FAM89A: variants seen among roughly 807,000 people sequenced by gnomAD.
FAM89A encodes family with sequence similarity 89 member A.
FAM89A carries 10 observed loss-of-function variants against 7.1 expected under a neutral mutation model. The observed-to-expected ratio is 1.40, with a 90% CI of 0.86 to 2.38. The LOEUF is 2.38. Ranked by LOEUF, FAM89A falls within the 30% of genes most tolerant of loss-of-function variation. FAM89A has a pLI of 0.00. For missense variants in FAM89A, 276 were observed against 262.8 expected (o/e 1.05, Z -0.35); for synonymous variants, 157 against 129.3 (o/e 1.21, Z -1.45).
intron 1 of FAM89A, chr1:231,021,632 G>C (rs1679880196): frequency 1.3e-6 from 2 of 1,544,972 alleles, no homozygotes; most frequent in African/African-American, 1.4e-5. Context: ...AAAGCGTCGA[G>C]GTGGAGCAAT....
At chr1:231,039,825 G>A (rs942625793) in intron 1 of FAM89A, 96 bp downstream of exon 1, 2 of 1,177,936 alleles carry the variant, frequency 1.7e-6, no homozygotes, top group African/African-American at 3.2e-5. Context: ...AGGGCGGGTG[G>A]GCGCGGGGAC....
At chr1:231,022,891 C>G (rs1441352867) in intron 1 of FAM89A, among the ~76,000 whole-genome samples, 1 of 151,422 alleles carries the variant, frequency 6.6e-6, no homozygotes, top group Non-Finnish European at 1.5e-5. Context: ...AGTGCCCATC[C>G]CAGCCCATTT....
intron 1 of FAM89A, chr1:231,021,866 G>A (rs1572353284): frequency 6.3e-7 from 1 of 1,587,938 alleles, no homozygotes; most frequent in East Asian, 2.2e-5. Context: ...GCTGCCCCAG[G>A]ACCATGCTGA....
intron 1 of FAM89A, chr1:231,026,072 A>G (rs1220044210): frequency 2.6e-5 from 1 of 38,250 alleles, no homozygotes; most frequent in East Asian, 5.8e-4. Context: ...CTCAGCTCCT[A>G]AAAAAAAAAA....
At chr1:231,022,045 T>C (rs180737834) in intron 1 of FAM89A, 14 of 1,417,320 alleles carry the variant, frequency 9.9e-6, no homozygotes, top group East Asian at 4.6e-5. Context: ...TCGTGCAGAA[T>C]AGACGTCTCA....
intron 1 of FAM89A, chr1:231,021,491 T>TTTTGCAAGC: frequency 1.6e-6 from 1 of 642,942 alleles, no homozygotes; most frequent in East Asian, 2.7e-5. Flanking sequence ...ATCCAAATTC[T>TTTTGCAAGC]TTTGCAAGCC....
Position 231,029,990 on chromosome 1 carries a change from G to A in FAM89A, c.292-9864C>T, listed in dbSNP as rs115704884. Among the ~76,000 whole-genome samples, 1,021 of 152,274 alleles carry A rather than the reference G, an allele frequency of 6.7e-3. 18 individuals carry two copies. The highest frequency in any genetic ancestry group is 0.023 in the African/African-American group (954 of 41,548). On this transcript the variant is annotated intron_variant, in intron 1 of 1. Coordinates refer to ENST00000366654, the MANE Select transcript of FAM89A (RefSeq NM_198552.3). ...CCCTGCATAGTGTTTAGAAAAAGCC[G>A]AAGAGAGACTTCATCAGTGTTGATG...
intron 1 of FAM89A, 122 bp downstream of exon 1, chr1:231,039,799 G>T: frequency 9.8e-7 from 1 of 1,017,838 alleles, no homozygotes. Flanking sequence ...CGGCGCCTGG[G>T]GCGGAGGAGC....
intron 1 of FAM89A, chr1:231,022,033 G>C (rs1290576588): frequency 6.5e-6 from 9 of 1,392,816 alleles, no homozygotes; most frequent in Non-Finnish European, 7.2e-6. Context: ...GATATTCAGA[G>C]ATCGTGCAGA....
At chr1:231,031,969 C>G (rs1295882532) in intron 1 of FAM89A, among the ~76,000 whole-genome samples, 1 of 152,126 alleles carries the variant, frequency 6.6e-6, no homozygotes, top group Non-Finnish European at 1.5e-5. Context: ...GAAGAATGCC[C>G]AAGGCGCCTT....
At chr1:231,030,501 C>CT (rs1192605394) in intron 1 of FAM89A, among the ~76,000 whole-genome samples, 1 of 152,224 alleles carries the variant, frequency 6.6e-6, no homozygotes, top group African/African-American at 2.4e-5. Context: ...TTCATACAAA[C>CT]TAAGCCCATT....
At chr1:231,021,408 C>A (rs938033527) in intron 1 of FAM89A, among the ~76,000 whole-genome samples, 10 of 140,604 alleles carry the variant, frequency 7.1e-5, no homozygotes, top group African/African-American at 2.2e-4. Flanking sequence ...AGCTTCTTCT[C>A]TGGAGTGCGC....
chr1:231,037,544 C>T (rs115440193), intron 1 of FAM89A, among the ~76,000 whole-genome samples: 3,362 of 152,278 alleles, frequency 0.022, 58 homozygotes, highest in African/African-American at 0.045. Flanking sequence ...CACCTCTCAT[C>T]TTCCTGTTGA....
chr1:231,019,954 AG>A lies in FAM89A; in HGVS notation c.463del (p.Leu155CysfsTer71). 1 of 1,614,210 alleles carries A rather than the reference AG, an allele frequency of 6.2e-7. No individual in the cohort carries two copies. Among genetic ancestry groups the A allele is most frequent in the Non-Finnish European group, 8.5e-7 (1 of 1,180,034 alleles). On this transcript the variant is annotated frameshift_variant, in exon 2 of 2. Transcript: ENST00000366654. LOFTEE classifies it low-confidence loss of function (END_TRUNC). ...AGGGCCTCGGTCCCTCCTGTCGTGC[AG>A]GGAGTTCTGCTCCTGGAAATATTCC... The part of the protein sequence containing the change: ...EEEYFQEQNS[L>X]HDRRDRGPPR...
rs115238306 is a variant in FAM89A, at chr1:231,030,375, T to G, written c.291+9546A>C. Among the ~76,000 whole-genome samples, 1,369 of 152,294 alleles carry G rather than the reference T, an allele frequency of 9.0e-3. 22 individuals carry two copies. Among genetic ancestry groups the G allele is most frequent in the African/African-American group, 0.032 (1,315 of 41,554 alleles). ...AACTCCTCTACCAGGTAAAGCTGTT[T>G]GAATTGGATTTTCTGCTAACTTACA... On this transcript the variant is annotated intron_variant, in intron 1 of 1. Transcript: ENST00000366654.
At position 231,040,185 on chromosome 1, in the gene FAM89A, C is replaced by A; in HGVS notation, c.27G>T (p.Gly9=). The stretch of plus-strand genomic sequence containing the variant: ...CCCGGACCGCGCCGTTGCCCGCGGC[C>A]CCGGGCGCCGCCCGGGCCCCACTCA... The part of the protein sequence containing the change: MSGARAAP[G]AAGNGAVRGL... Residue 9 remains glycine (G), a synonymous_variant, in exon 1 of 2, where the codon GGG becomes GGT. Transcript: ENST00000366654. 8.9e-7 allele frequency: 1 copy of A among 1,127,450 alleles called. No homozygotes were observed. The highest frequency in any genetic ancestry group is 1.1e-6 in the Non-Finnish European group (1 of 924,166). The allele number at this position is 1,127,450 out of a possible 1,614,324, so 69.8% of individuals were successfully genotyped here. A position where few individuals can be genotyped will look rare whatever the true frequency, so the allele number is the denominator to read the frequency against.
At chr1:231,021,399 G>A (rs981629880) in intron 1 of FAM89A, among the ~76,000 whole-genome samples, 1 of 141,692 alleles carries the variant, frequency 7.1e-6, no homozygotes, top group African/African-American at 2.5e-5. Flanking sequence ...TGGAGAAGGA[G>A]CTTCTTCTCT....
chr1:231,032,682 A>G (rs970550001), intron 1 of FAM89A, among the ~76,000 whole-genome samples: 6 of 152,162 alleles, frequency 3.9e-5, no homozygotes, highest in Non-Finnish European at 8.8e-5. Flanking sequence ...TAAAGCTGAG[A>G]AACTTTATTA....
intron 1 of FAM89A, among the ~76,000 whole-genome samples, chr1:231,033,900 C>T (rs1363649491): frequency 1.3e-5 from 2 of 152,118 alleles, no homozygotes; most frequent in Admixed American, 1.3e-4. Flanking sequence ...ACACACTGCC[C>T]TTACTGTCCC....
Sources: gnomAD v4.1 joint callset for allele counts (sites outside exome capture counted in the v4.1 genomes callset) on GRCh38, gnomAD v4.1.1 for gene constraint, MANE v1.5 for transcripts, NCBI Gene and HGNC (gene_info 2026-07-23, HGNC 2026-07-21) for gene names.